CYP3A5: variants seen among roughly 807,000 people sequenced by gnomAD.
CYP3A5 encodes cytochrome P450 3A5.
CYP3A5 carries 51 observed loss-of-function variants against 55.9 expected under a neutral mutation model. That is an observed-to-expected ratio of 0.91 (90% CI 0.73 to 1.15). The LOEUF (loss-of-function observed/expected upper bound fraction) is 1.15. Among genes scored for constraint, CYP3A5 ranks in the 50% most tolerant of loss-of-function variants. The probability of loss-of-function intolerance (pLI) is 0.00; values close to 1 mark genes in which losing one functional copy is unlikely to be tolerated. For synonymous variants in CYP3A5, 196 were observed against 213.9 expected (o/e 0.92, Z 0.73); for missense variants, 533 against 596.6 (o/e 0.89, Z 1.11).
At chr7:99,667,140 G>C in intron 4 of CYP3A5, 75 bp from the exon 5 acceptor site, 1 of 1,362,418 alleles carries the variant, frequency 7.3e-7, no homozygotes, top group East Asian at 2.4e-5. Context: ...ATATTGAAGA[G>C]GCATCCTTAT....
Position 99,665,199 on chromosome 7 carries a change from A to C in CYP3A5, c.637T>G (p.Phe213Val), listed in dbSNP as rs966630695. Residue 213 changes from phenylalanine (F) to valine (V), a missense_variant, in exon 7 of 13, where the codon TTT becomes GTT. Coordinates refer to ENST00000222982, the MANE Select transcript of CYP3A5 (RefSeq NM_000777.5). ...FVESTKKFLK[F>V]GFLDPLFLSI... ...AGAAATAATGGATCTAAGAAACCAAATTTTAGGAACTTCTTAGTGCTCTCC... is the reference window on the plus strand; with the variant it reads ...AGAAATAATGGATCTAAGAAACCAACTTTTAGGAACTTCTTAGTGCTCTCC... The C allele has an allele frequency of 6.2e-7, 1 of 1,613,930 alleles. No individual in the cohort carries two copies. The highest frequency in any genetic ancestry group is 2.2e-5 in the East Asian group (1 of 44,886).
chr7:99,670,849 T>C (rs182107325), intron 4 of CYP3A5: 1 of 152,322 alleles, frequency 6.6e-6, no homozygotes, highest in Non-Finnish European at 1.5e-5. Context: ...TCAAGCCAGA[T>C]ACTGATGGAT....
intron 1 of CYP3A5, 163 bp from the exon 2 acceptor site, chr7:99,676,371 C>G: frequency 6.5e-7 from 1 of 1,528,234 alleles, no homozygotes; most frequent in East Asian, 2.5e-5. Context: ...CTCATCAGGT[C>G]CTTTCCTGAC....
chr7:99,649,947 T>C, intron 12 of CYP3A5, 126 bp downstream of exon 12: 2 of 1,208,450 alleles, frequency 1.7e-6, no homozygotes. Context: ...TGATCAAAGA[T>C]GGATCCAAGT....
At chr7:99,672,380 C>T (rs1257653003) in intron 4 of CYP3A5, among the ~76,000 whole-genome samples, 200 bp downstream of exon 4, 1 of 151,878 alleles carries the variant, frequency 6.6e-6, no homozygotes, top group African/African-American at 2.4e-5. Context: ...TTTGTGCCAA[C>T]CTGATAATAT....
rs1812678618 is a variant in CYP3A5, at chr7:99,679,952, C to T, written c.-56G>A. 1.3e-6 allele frequency: 2 copies of T among 1,503,034 alleles called. No individual in the cohort carries two copies. The highest frequency in any genetic ancestry group is 2.8e-5 in the African/African-American group (2 of 72,686). The allele number at this position is 1,503,034 out of a possible 1,614,324, so 93.1% of individuals were successfully genotyped here. On this transcript the variant is annotated 5_prime_UTR_variant, in exon 1 of 13. Coordinates refer to ENST00000222982, the MANE Select transcript of CYP3A5 (RefSeq NM_000777.5). ...GAGTCTTCCTTTTAGCTGAGTGCTG[C>T]TGTTTGCTGGGCTGTTTGCCTGGAG...
Position 99,667,051 on chromosome 7 carries a change from C to T in CYP3A5, c.333G>A (p.Val111=). The T allele has an allele frequency of 1.2e-6, 2 of 1,614,026 alleles. No homozygotes were observed. The highest frequency in any genetic ancestry group is 8.5e-7 in the Non-Finnish European group (1 of 1,179,896). ...AAGAGATGGCACTTTTCATAAATCCCACTGGGCCTAAAGACTAGAGTTCAA... is the reference window on the plus strand; with the variant it reads ...AAGAGATGGCACTTTTCATAAATCCTACTGGGCCTAAAGACTAGAGTTCAA... ...VFTNRRSLGP[V]GFMKSAISLA... The change falls in exon 5 of 13, where the codon GTG becomes GTA. Residue 111 remains valine (V), a synonymous_variant. Transcript: ENST00000222982.
At chr7:99,673,151 G>A (rs1006267910) in intron 3 of CYP3A5, among the ~76,000 whole-genome samples, 4 of 152,204 alleles carry the variant, frequency 2.6e-5, no homozygotes, top group Admixed American at 2.0e-4. Flanking sequence ...GGGGCCCATG[G>A]ACATCTAGAG....
intron 4 of CYP3A5, 39 bp from the exon 5 acceptor site, chr7:99,667,104 T>G: frequency 6.4e-7 from 1 of 1,571,118 alleles, no homozygotes; most frequent in Non-Finnish European, 8.7e-7. Flanking sequence ...ACATTAGTTG[T>G]GGTGATCTTC....
At chr7:99,655,990 G>A (rs990300649) in intron 10 of CYP3A5, among the ~76,000 whole-genome samples, 1 of 152,168 alleles carries the variant, frequency 6.6e-6, no homozygotes, top group African/African-American at 2.4e-5. Flanking sequence ...CTGAGACGAT[G>A]GGGTTTTCTA....
chr7:99,652,324 C>T (rs994226649), intron 11 of CYP3A5: 21 of 355,530 alleles, frequency 5.9e-5, no homozygotes, highest in African/African-American at 4.2e-4. Flanking sequence ...AAAATGCCCA[C>T]AGGGACATAA....
intron 10 of CYP3A5, 152 bp from the exon 11 acceptor site, chr7:99,652,931 T>C (rs547165412): frequency 5.8e-5 from 37 of 640,808 alleles, no homozygotes; most frequent in Middle Eastern, 2.7e-4. Flanking sequence ...ATAACTGGCA[T>C]GTCCATTGAT....
chr7:99,664,196 A>T (rs564565917), intron 7 of CYP3A5, 101 bp from the exon 8 acceptor site: 149 of 1,022,330 alleles, frequency 1.5e-4, no homozygotes, highest in Admixed American at 2.5e-4. Context: ...TAAGAACATC[A>T]TGATTCTCAA....
chr7:99,679,176 A>G (rs1185885829), intron 1 of CYP3A5, among the ~76,000 whole-genome samples: 3 of 152,322 alleles, frequency 2.0e-5, no homozygotes, highest in Middle Eastern at 3.4e-3. Flanking sequence ...TCATTGCAAG[A>G]TAAACCATCC....
intron 10 of CYP3A5, among the ~76,000 whole-genome samples, chr7:99,654,230 A>G (rs1173751314): frequency 6.7e-6 from 1 of 149,776 alleles, no homozygotes; most frequent in Non-Finnish European, 1.5e-5. Flanking sequence ...ATCCCTCCCC[A>G]CTCCTCCCAC....
intron 4 of CYP3A5, among the ~76,000 whole-genome samples, chr7:99,667,730 A>C (rs946749384): frequency 6.6e-6 from 1 of 152,218 alleles, no homozygotes; most frequent in Non-Finnish European, 1.5e-5. Context: ...TTTGTTTTAA[A>C]ATGTGTACTT....
chr7:99,673,875 GA>G (rs1811951344), intron 3 of CYP3A5, among the ~76,000 whole-genome samples: 1 of 152,212 alleles, frequency 6.6e-6, no homozygotes, highest in Non-Finnish European at 1.5e-5. Flanking sequence ...AAAACCTGCA[GA>G]AAAGTGGTAA....
rs767504862 is a variant in CYP3A5 at position 99,665,235 on chromosome 7, C to G, written c.601G>C (p.Asp201His). The change falls in exon 7 of 13, where the codon GAC becomes CAC. Residue 201 changes from aspartate to histidine, a missense_variant. Coordinates refer to ENST00000222982, the MANE Select transcript of CYP3A5 (RefSeq NM_000777.5). ...TTCTTAGTGCTCTCCACAAAGGGGT[C>G]TTGTGGATTGTTGAGAGAGTCGATG... The part of the protein sequence containing the change: ...VNIDSLNNPQ[D>H]PFVESTKKFL... 8.7e-6 allele frequency: 14 copies of G among 1,613,894 alleles called. No individual in the cohort carries two copies. Among genetic ancestry groups the G allele is most frequent in the Admixed American group, 1.7e-5 (1 of 60,028 alleles).
At chr7:99,679,143 G>A (rs1177215015) in intron 1 of CYP3A5, among the ~76,000 whole-genome samples, 1 of 152,114 alleles carries the variant, frequency 6.6e-6, no homozygotes, top group Non-Finnish European at 1.5e-5. Context: ...CTTCCTCCAG[G>A]TCTCCTTTGC....
Sources: allele counts gnomAD v4.1 joint callset (sites outside exome capture counted in the v4.1 genomes callset), GRCh38; gene constraint gnomAD v4.1.1; transcripts MANE v1.5; gene names NCBI Gene and HGNC (gene_info 2026-07-23, HGNC 2026-07-21).